Variants in KAZN observed in about 807,000 individuals in gnomAD.
KAZN encodes the protein kazrin.
KAZN carries 40 observed loss-of-function variants against 87.4 expected under a neutral mutation model. That is an observed-to-expected ratio of 0.46 (90% CI 0.36 to 0.60). KAZN has a LOEUF of 0.60. KAZN is among the 20% of genes least tolerant of loss of function. KAZN has a pLI of 0.00. For synonymous variants in KAZN, 466 were observed against 458.3 expected (o/e 1.02, Z -0.22); for missense variants, 898 against 1,073.9 (o/e 0.84, Z 2.29).
At chr1:14,559,769 T>C (rs1343400041) in intron 2 of KAZN, among the ~76,000 whole-genome samples, 2 of 151,824 alleles carry the variant, frequency 1.3e-5, no homozygotes, top group African/African-American at 2.4e-5. Flanking sequence ...GCTGAAGGAG[T>C]CAAAAGACCT....
intron 2 of KAZN, among the ~76,000 whole-genome samples, chr1:14,378,317 GTA>G (rs1462085872): frequency 1.2e-5 from 1 of 82,682 alleles, no homozygotes; most frequent in Non-Finnish European, 3.6e-5. Flanking sequence ...TAAAAGAAAA[GTA>G]AACGGGAGGA....
intron 2 of KAZN, among the ~76,000 whole-genome samples, chr1:14,379,824 C>T (rs1389217803): frequency 6.6e-6 from 1 of 152,182 alleles, no homozygotes; most frequent in African/African-American, 2.4e-5. Context: ...AGCTTGCCAC[C>T]TTGGCTGGCT....
intron 1 of KAZN, among the ~76,000 whole-genome samples, chr1:13,904,479 C>A (rs558300254): frequency 1.3e-5 from 2 of 152,298 alleles, no homozygotes; most frequent in African/African-American, 4.8e-5. Flanking sequence ...AGCAAAGCCT[C>A]CACAGCTGGG....
chr1:14,415,770 C>G (rs1345530372), intron 2 of KAZN, among the ~76,000 whole-genome samples: 4 of 152,104 alleles, frequency 2.6e-5, no homozygotes, highest in South Asian at 2.1e-4. Context: ...CCCTGACTCC[C>G]TTCCCTACTT....
At chr1:15,017,154 C>T (rs972455855) in intron 2 of KAZN, among the ~76,000 whole-genome samples, 4 of 151,744 alleles carry the variant, frequency 2.6e-5, no homozygotes, top group African/African-American at 9.7e-5. Context: ...AAAAATTAGC[C>T]AGGCTTGGTG....
At chr1:14,503,690 C>A (rs1670393569) in intron 2 of KAZN, among the ~76,000 whole-genome samples, 1 of 151,602 alleles carries the variant, frequency 6.6e-6, no homozygotes, top group South Asian at 2.1e-4. Flanking sequence ...CCCTCCTAAC[C>A]CCTATGCAAG....
intron 2 of KAZN, among the ~76,000 whole-genome samples, chr1:14,289,647 G>A (rs1263541670): frequency 1.3e-5 from 2 of 152,102 alleles, no homozygotes. Flanking sequence ...TTGCCAGTCT[G>A]TGTCTTTTAA....
chr1:15,001,870 CTTTTTT>C (rs34948148), intron 2 of KAZN, among the ~76,000 whole-genome samples: 1 of 57,748 alleles, frequency 1.7e-5, no homozygotes, highest in Admixed American at 2.2e-4. Context: ...AAGTCAAAAT[CTTTTTT>C]TTTTTTTTTT....
intron 2 of KAZN, among the ~76,000 whole-genome samples, chr1:14,314,866 C>T (rs1315995640): frequency 6.6e-6 from 1 of 152,036 alleles, no homozygotes; most frequent in Non-Finnish European, 1.5e-5. Flanking sequence ...AAACCACTTC[C>T]CTACTTTGTG....
chr1:14,577,420 C>A (rs1028972370), intron 2 of KAZN, among the ~76,000 whole-genome samples: 8 of 152,166 alleles, frequency 5.3e-5, no homozygotes, highest in African/African-American at 1.9e-4. Context: ...CAGACACCCT[C>A]AGCTTGGAAA....
At chr1:14,457,034 C>A (rs557354532) in intron 2 of KAZN, among the ~76,000 whole-genome samples, 37 of 152,248 alleles carry the variant, frequency 2.4e-4, no homozygotes, top group African/African-American at 8.9e-4. Flanking sequence ...GAGCCAAGAT[C>A]GCACCACTGC....
chr1:14,442,518 A>G (rs1023074331), intron 2 of KAZN, among the ~76,000 whole-genome samples: 3 of 152,102 alleles, frequency 2.0e-5, no homozygotes, highest in Non-Finnish European at 4.4e-5. Flanking sequence ...CACCTTCTCA[A>G]CCAGCAGGCT....
chr1:14,834,413 G>A (rs1647155401), intron 1 of KAZN, among the ~76,000 whole-genome samples: 1 of 143,320 alleles, frequency 7.0e-6, no homozygotes, highest in African/African-American at 2.6e-5. Flanking sequence ...CCAGGCTGGA[G>A]TGCAGTGGCA....
chr1:13,896,654 G>A (rs940303542), intron 1 of KAZN, among the ~76,000 whole-genome samples: 3 of 152,132 alleles, frequency 2.0e-5, no homozygotes, highest in Admixed American at 6.5e-5. Flanking sequence ...GGGGTTGCCC[G>A]CATGCCCACC....
chr1:14,851,477 T>G (rs1649432634), intron 1 of KAZN, among the ~76,000 whole-genome samples: 1 of 152,210 alleles, frequency 6.6e-6, no homozygotes, highest in Non-Finnish European at 1.5e-5. Flanking sequence ...CCTTGTTGCA[T>G]GTGCAGAGGG....
intron 1 of KAZN, among the ~76,000 whole-genome samples, chr1:14,723,644 C>G (rs1214308795): frequency 6.6e-6 from 1 of 152,236 alleles, no homozygotes; most frequent in Non-Finnish European, 1.5e-5. Context: ...TTTGCTCCCT[C>G]TCTCTCCTGC....
chr1:14,435,241 A>G (rs1666312306), intron 2 of KAZN, among the ~76,000 whole-genome samples: 1 of 151,362 alleles, frequency 6.6e-6, no homozygotes, highest in African/African-American at 2.4e-5. Flanking sequence ...GGCTGTTTCA[A>G]CTCTACCCTT....
intron 2 of KAZN, among the ~76,000 whole-genome samples, chr1:15,016,256 C>G (rs1417694249): frequency 6.6e-6 from 1 of 152,122 alleles, no homozygotes; most frequent in African/African-American, 2.4e-5. Flanking sequence ...ACCTTGATTT[C>G]GAGCTTCTGG....
chr1:14,301,153 A>AGGG (rs1654523560), intron 2 of KAZN, among the ~76,000 whole-genome samples: 1 of 152,184 alleles, frequency 6.6e-6, no homozygotes, highest in African/African-American at 2.4e-5. Context: ...CCCAGACCAT[A>AGGG]GGGAATTCAC....
Sources: gnomAD v4.1 joint callset for allele counts (sites outside exome capture counted in the v4.1 genomes callset) on GRCh38, gnomAD v4.1.1 for gene constraint, MANE v1.5 for transcripts, NCBI Gene and HGNC (gene_info 2026-07-23, HGNC 2026-07-21) for gene names.